The following ADCY5 variants were observed in gnomAD, a reference collection of about 807,000 sequenced individuals.
The protein encoded by ADCY5 is adenylate cyclase type 5.
Under a neutral mutation model 119.7 loss-of-function variants are expected in ADCY5, and 30 were observed. The observed-to-expected ratio is 0.25, with a 90% confidence interval of 0.19 to 0.34. The LOEUF (loss-of-function observed/expected upper bound fraction) is 0.34, where lower values mean the gene tolerates loss of function less well. Ranked by LOEUF, ADCY5 falls within the 10% of genes least tolerant of loss-of-function variation. The pLI is 1.00. For synonymous variants in ADCY5, 753 were observed against 762.2 expected (o/e 0.99, Z 0.20); for missense variants, 1,324 against 1,775.2 (o/e 0.75, Z 4.57).
intron 1 of ADCY5, among the ~76,000 whole-genome samples, chr3:123,374,280 G>A (rs935136322): frequency 7.2e-5 from 11 of 152,194 alleles, no homozygotes; most frequent in African/African-American, 2.7e-4. Context: ...GAGAGCGACA[G>A]ATGATGAAGC....
chr3:123,386,452 G>A (rs1444711041), intron 1 of ADCY5, among the ~76,000 whole-genome samples: 1 of 152,216 alleles, frequency 6.6e-6, no homozygotes, highest in Non-Finnish European at 1.5e-5. Flanking sequence ...AGGAACTGGG[G>A]TGCCCCCAGA....
chr3:123,286,183 G>A lies in ADCY5; in HGVS notation c.3657+502C>T, dbSNP rs770072036. ...GAAACCACAAGCCCAGCTCGCAAAG[G>A]AGGGAGCAAGGGGAAAAGGCCTCTG... On this transcript the variant is annotated intron_variant, in intron 20 of 20. Transcript: ENST00000462833. The surrounding 1 kb of genome is among the most constrained non-coding windows in gnomAD (Gnocchi z 4.2). 5.3e-5 allele frequency among the ~76,000 whole-genome samples: 8 copies of A among 152,184 alleles called. No homozygotes were observed. Among genetic ancestry groups the A allele is most frequent in the Non-Finnish European group, 1.0e-4 (7 of 68,024 alleles).
At chr3:123,359,258 T>A (rs1943151401) in intron 1 of ADCY5, among the ~76,000 whole-genome samples, 1 of 148,274 alleles carries the variant, frequency 6.7e-6, no homozygotes, top group Non-Finnish European at 1.5e-5. Context: ...TAAATTTGAA[T>A]TACAGACAAA....
rs541704116 is a variant in ADCY5, at chr3:123,373,607, T to C, written c.1135-21026A>G. 7.2e-5 allele frequency among the ~76,000 whole-genome samples: 11 copies of C among 152,326 alleles called. No individual in the cohort carries two copies. In the East Asian group the frequency reaches 2.1e-3, roughly 29 times the overall value. ...GACAAAGGAGTGAGTCAGGTCCCTG[T>C]TGTGAGCACCCCAAGTGCTAGCACA... is the stretch of plus-strand genomic sequence containing the variant. On this transcript the variant is annotated intron_variant, in intron 1 of 20. Transcript: ENST00000462833.
At chr3:123,378,521 C>A (rs1056223971) in intron 1 of ADCY5, among the ~76,000 whole-genome samples, 6 of 152,156 alleles carry the variant, frequency 3.9e-5, no homozygotes, top group African/African-American at 1.2e-4. Flanking sequence ...GAGGGACAGA[C>A]GGAGGGAGGC....
intron 1 of ADCY5, among the ~76,000 whole-genome samples, chr3:123,356,825 A>C (rs2108511404): frequency 6.6e-6 from 1 of 152,300 alleles, no homozygotes; most frequent in African/African-American, 2.4e-5. Flanking sequence ...TTGCCCTATG[A>C]CCCAGCAACC....
In ADCY5 at chr3:123,448,439, T is replaced by C; in HGVS notation, c.107A>G (p.Asp36Gly). ...ATGGGGGTAGCCATTCGCGCGGGAA[T>C]CGGCCTCGCCCCACGCAGAGCGGTG... The part of the protein sequence containing the change: ...PEHRSAWGEA[D>G]SRANGYPHAP... The change falls in exon 1 of 21, where the codon GAT (aspartate) becomes GGT (glycine). Residue 36 changes from aspartate (D) to glycine (G), a missense_variant. Asp to Gly is a moderately conservative substitution (Grantham distance 94, BLOSUM62 -1). Around this residue, in one of 6 missense-constraint regions of ADCY5, gnomAD observed 585 missense variants for 569.9 expected, o/e 1.03. Coordinates refer to ENST00000462833, the MANE Select transcript of ADCY5 (RefSeq NM_183357.3). The C allele has an allele frequency of 7.4e-7, 1 of 1,344,676 alleles. No homozygotes were observed. Among genetic ancestry groups the C allele is most frequent in the Non-Finnish European group, 9.5e-7 (1 of 1,049,868 alleles). The allele number at this position is 1,344,676 out of a possible 1,614,324, so 83.3% of individuals were successfully genotyped here.
chr3:123,365,968 C>G (rs1433364103), intron 1 of ADCY5, among the ~76,000 whole-genome samples: 2 of 152,160 alleles, frequency 1.3e-5, no homozygotes, highest in Non-Finnish European at 2.9e-5. Flanking sequence ...AGGGGAGCCA[C>G]TAGCCACACA....
intron 1 of ADCY5, among the ~76,000 whole-genome samples, chr3:123,409,950 G>A (rs1225334462): frequency 1.3e-5 from 2 of 152,180 alleles, no homozygotes; most frequent in Admixed American, 1.3e-4. Context: ...CCTGGGAAAG[G>A]CAAACACGCA....
chr3:123,335,429 C>T (rs1206519047), intron 3 of ADCY5, among the ~76,000 whole-genome samples: 1 of 152,170 alleles, frequency 6.6e-6, no homozygotes, highest in Non-Finnish European at 1.5e-5. Flanking sequence ...AATATTAACT[C>T]GTTCGCACCT....
At chr3:123,350,757 T>C (rs113312144) in intron 2 of ADCY5, among the ~76,000 whole-genome samples, 5 of 152,194 alleles carry the variant, frequency 3.3e-5, no homozygotes, top group African/African-American at 1.2e-4. Flanking sequence ...CCTAAATCCC[T>C]GTGGATTTGG....
Position 123,448,845 on chromosome 3 carries a change from G to C in ADCY5, c.-300C>G. 3.2e-6 allele frequency: 1 copy of C among 311,178 alleles called. No individual in the cohort carries two copies. Among genetic ancestry groups the C allele is most frequent in the Non-Finnish European group, 5.9e-6 (1 of 169,780 alleles). 19.3% of individuals were successfully genotyped at this position (311,178 alleles called of 1,614,324 possible). On this transcript the variant is annotated 5_prime_UTR_variant, in exon 1 of 21. Transcript: ENST00000462833. ...GCTGCTGCTGCGCCGCACGCGGAGA[G>C]ACGTCCGGGATCCTGGCTCGCGTCG...
At chr3:123,446,189 C>T (rs954262005) in intron 1 of ADCY5, among the ~76,000 whole-genome samples, 2 of 152,140 alleles carry the variant, frequency 1.3e-5, no homozygotes, top group Non-Finnish European at 2.9e-5. Flanking sequence ...GTGCTATTCT[C>T]TATGGAAGAA....
In ADCY5 at chr3:123,296,321, A is replaced by T. The variant is rs535925010; in HGVS notation, c.2931-105T>A. The T allele has an allele frequency of 2.4e-5, 31 of 1,284,712 alleles. No homozygotes were observed. In the South Asian group the frequency reaches 4.0e-4, roughly 17 times the overall value. The allele number at this position is 1,284,712 out of a possible 1,614,324, so 79.6% of individuals were successfully genotyped here. A position where few individuals can be genotyped will look rare whatever the true frequency, so the allele number is the denominator to read the frequency against. On this transcript the variant is annotated intron_variant, in intron 16 of 20. Coordinates refer to ENST00000462833, the MANE Select transcript of ADCY5 (RefSeq NM_183357.3). The stretch of plus-strand genomic sequence containing the variant: ...CTGGCCCTGTTTTCTTCCTCCCACT[A>T]TACCTTCCCCTCTTCCTTATCCCCC...
chr3:123,419,178 C>T, intron 1 of ADCY5: 1 of 985,440 alleles, frequency 1.0e-6, no homozygotes, highest in Non-Finnish European at 1.2e-6. Flanking sequence ...CATCCCCTCC[C>T]CTCATCATGA....
intron 12 of ADCY5, among the ~76,000 whole-genome samples, chr3:123,305,770 T>A (rs558701065): frequency 6.6e-6 from 1 of 151,962 alleles, no homozygotes; most frequent in Non-Finnish European, 1.5e-5. Context: ...ATAGGGAGGG[T>A]GTATATCTTT....
In ADCY5 at chr3:123,414,573, T is replaced by C. The variant is rs578127038; in HGVS notation, c.1134+32839A>G. On this transcript the variant is annotated intron_variant, in intron 1 of 20. Transcript: ENST00000462833. ...TGACCTTATGGCTTACCTTTTTTTT[T>C]TGAGACAAAGTCTGGCTGTGTCGCC... Among the ~76,000 whole-genome samples, 7 of 152,242 alleles carry C rather than the reference T, an allele frequency of 4.6e-5. No individual in the cohort carries two copies. The South Asian group carries it at 6.2e-4, about 14-fold the overall frequency.
At chr3:123,376,142 C>T (rs1943824907) in intron 1 of ADCY5, among the ~76,000 whole-genome samples, 1 of 152,010 alleles carries the variant, frequency 6.6e-6, no homozygotes, top group Admixed American at 6.6e-5. Flanking sequence ...TAAGGCAGCC[C>T]TCAGTTTGGG....
intron 1 of ADCY5, among the ~76,000 whole-genome samples, chr3:123,440,847 G>C (rs1945710058): frequency 6.6e-6 from 1 of 152,200 alleles, no homozygotes; most frequent in African/African-American, 2.4e-5. Flanking sequence ...GGGGGCAAGA[G>C]AGAGTCCAGG....
Sources: allele counts gnomAD v4.1 joint callset (sites outside exome capture counted in the v4.1 genomes callset), GRCh38; gene constraint gnomAD v4.1.1; regional missense constraint gnomAD v4.1.1; non-coding constraint Gnocchi (gnomAD v3.1); transcripts MANE v1.5; gene names NCBI Gene and HGNC (gene_info 2026-07-23, HGNC 2026-07-21).